Variants in DLG5 observed in about 807,000 individuals in gnomAD.
DLG5 encodes the protein discs large MAGUK scaffold protein 5, also known as disks large homolog 5.
Under a neutral mutation model 189.8 loss-of-function variants are expected in DLG5, and 48 were observed. The observed-to-expected ratio is 0.25, with a 90% CI of 0.20 to 0.32. DLG5 has a LOEUF of 0.32. Ranked by LOEUF, DLG5 falls within the 10% of genes least tolerant of loss-of-function variation. DLG5 has a pLI of 1.00. For synonymous variants in DLG5, 1,016 were observed against 1,054.1 expected, an observed-to-expected ratio of 0.96 and a Z score of 0.70; for missense variants, 2,160 against 2,544.7, an observed-to-expected ratio of 0.85 and a Z score of 3.25.
At chr10:77,798,193 A>G (rs991442041) in intron 27 of DLG5, among the ~76,000 whole-genome samples, 1 of 152,198 alleles carries the variant, frequency 6.6e-6, no homozygotes, top group African/African-American at 2.4e-5. Context: ...TCTCAATAAA[A>G]ATAAATAAAA....
In DLG5 at chr10:77,794,965, TGGG is replaced by T; in HGVS notation, c.5437-10_5437-8del. ...CCAGGAGGCAGTGTCGGTTCTGGGG[TGGG>T]GGGTGCAGAGTGAGCCCTGGCGGGC... On this transcript the variant is annotated splice_region_variant and splice_polypyrimidine_tract_variant and intron_variant, in intron 29 of 31. Transcript: ENST00000372391. 1 of 1,612,330 alleles carries T rather than the reference TGGG, an allele frequency of 6.2e-7. No individual in the cohort carries two copies. Among genetic ancestry groups the T allele is most frequent in the Non-Finnish European group, 8.5e-7 (1 of 1,179,252 alleles).
intron 7 of DLG5, among the ~76,000 whole-genome samples, chr10:77,839,468 T>G (rs1443609303): frequency 6.6e-6 from 1 of 151,856 alleles, no homozygotes; most frequent in African/African-American, 2.4e-5. Flanking sequence ...GCCACTTCAC[T>G]CCAGCCTGGG....
chr10:77,925,439 G>A (rs1028728940), intron 1 of DLG5, among the ~76,000 whole-genome samples: 3 of 152,078 alleles, frequency 2.0e-5, no homozygotes, highest in Non-Finnish European at 2.9e-5. Context: ...AGAAACTCCC[G>A]CCAGTATCCG....
intron 12 of DLG5, 118 bp from the exon 13 acceptor site, chr10:77,829,103 G>T: frequency 8.6e-7 from 1 of 1,161,652 alleles, no homozygotes; most frequent in Non-Finnish European, 1.2e-6. Flanking sequence ...GCTGCGCCCT[G>T]TCTACGCCTG....
At chr10:77,934,371 C>CAAA in the DLG5 span, among the ~76,000 whole-genome samples, 199 of 96,206 alleles carry the variant, frequency 2.1e-3, no homozygotes, top group South Asian at 5.2e-3. Flanking sequence ...AACTCCATCT[C>CAAA]AAAAAAAAAA....
chr10:77,868,807 G>A (rs1285051781), intron 2 of DLG5: 1 of 383,550 alleles, frequency 2.6e-6, no homozygotes, highest in East Asian at 6.8e-5. Flanking sequence ...GAGTCTCCTG[G>A]GCAGTGGTCA....
At chr10:77,873,705 G>A (rs1027968221) in intron 1 of DLG5, among the ~76,000 whole-genome samples, 4 of 152,032 alleles carry the variant, frequency 2.6e-5, no homozygotes, top group African/African-American at 7.3e-5. Context: ...CTTCCTCTTC[G>A]TGAAGCTCAC....
At chr10:77,910,255 T>C (rs1378378845) in intron 1 of DLG5, among the ~76,000 whole-genome samples, 2 of 152,148 alleles carry the variant, frequency 1.3e-5, no homozygotes, top group Non-Finnish European at 2.9e-5. Context: ...GTAGTCATTA[T>C]CAAAAAACTG....
chr10:77,833,272 C>A (rs889338133), intron 9 of DLG5, among the ~76,000 whole-genome samples: 1 of 152,122 alleles, frequency 6.6e-6, no homozygotes, highest in Non-Finnish European at 1.5e-5. Context: ...TGTCTGACAC[C>A]CCAAATGGTC....
chr10:77,874,200 CT>C (rs1845013492), intron 1 of DLG5, among the ~76,000 whole-genome samples: 1 of 152,258 alleles, frequency 6.6e-6, no homozygotes, highest in Admixed American at 6.5e-5. Context: ...GAAGAAGGCC[CT>C]TCTCTCTGAG....
chr10:77,835,534 T>A (rs982447371), intron 8 of DLG5, among the ~76,000 whole-genome samples: 4 of 151,986 alleles, frequency 2.6e-5, no homozygotes, highest in Non-Finnish European at 5.9e-5. Flanking sequence ...TAGGGCTGAG[T>A]GAGATGGGAG....
In DLG5 at chr10:77,806,873, C is replaced by T. The variant is rs769629590; in HGVS notation, c.4852G>A (p.Asp1618Asn). Reference protein sequence around the residue: ...VEQELSFKKDDILYVDDTLPQ... With the variant: ...VEQELSFKKDNILYVDDTLPQ... The stretch of plus-strand genomic sequence containing the variant: ...AAGGTGTCATCCACGTAGAGGATGT[C>T]GTCCTTCTTAAAGCTCAACTCTTGC... The change falls in exon 26 of 32, where the codon GAC (aspartate) becomes AAC (asparagine). Residue 1618 changes from aspartate to asparagine, a missense_variant. Around this residue, in one of 5 missense-constraint regions of DLG5, gnomAD observed 574 missense variants for 644.2 expected, o/e 0.89. Transcript: ENST00000372391. 5 of 1,613,998 alleles carry T rather than the reference C, an allele frequency of 3.1e-6. No individual in the cohort carries two copies. The African/African-American group carries it at 4.0e-5, about 13-fold the overall frequency.
At chr10:77,878,504 C>A (rs1163206529) in intron 1 of DLG5, among the ~76,000 whole-genome samples, 1 of 152,134 alleles carries the variant, frequency 6.6e-6, no homozygotes, top group Non-Finnish European at 1.5e-5. Context: ...ATGGAAGGGA[C>A]CTGGAGGACA....
intron 5 of DLG5, among the ~76,000 whole-genome samples, chr10:77,843,908 AG>A (rs1843555132): frequency 6.6e-6 from 1 of 152,156 alleles, no homozygotes; most frequent in Non-Finnish European, 1.5e-5. Flanking sequence ...AGATTCACTC[AG>A]TCACAACTAT....
chr10:77,875,989 G>A (rs917487895), intron 1 of DLG5, among the ~76,000 whole-genome samples: 15 of 152,054 alleles, frequency 9.9e-5, no homozygotes, highest in Admixed American at 2.0e-4. Flanking sequence ...GCCCTGGAAT[G>A]GAGCAACCAC....
At chr10:77,846,082 TA>T (rs2154576446) in intron 5 of DLG5, among the ~76,000 whole-genome samples, 1 of 151,888 alleles carries the variant, frequency 6.6e-6, no homozygotes, top group Non-Finnish European at 1.5e-5. Context: ...TTGTCTCTAC[TA>T]AACATACAAA....
intron 29 of DLG5, among the ~76,000 whole-genome samples, chr10:77,795,807 G>A (rs898103805): frequency 4.6e-5 from 7 of 152,124 alleles, no homozygotes; most frequent in Non-Finnish European, 7.4e-5. Flanking sequence ...GAGACCCCCC[G>A]CACCTGCCAG....
At chr10:77,841,672 C>T (rs75479020) in intron 7 of DLG5, among the ~76,000 whole-genome samples, 5,348 of 152,288 alleles carry the variant, frequency 0.035, 269 homozygotes, top group African/African-American at 0.11. Flanking sequence ...GTCTCCCTCC[C>T]GCCTTGTCCC....
intron 1 of DLG5, among the ~76,000 whole-genome samples, chr10:77,899,165 T>C (rs952185129): frequency 6.6e-6 from 1 of 152,224 alleles, no homozygotes; most frequent in Non-Finnish European, 1.5e-5. Flanking sequence ...AGGATGGCAC[T>C]GACTCTGCTG....
Sources: allele counts gnomAD v4.1 joint callset (sites outside exome capture counted in the v4.1 genomes callset), GRCh38; gene constraint gnomAD v4.1.1; regional missense constraint gnomAD v4.1.1; transcripts MANE v1.5; gene names NCBI Gene and HGNC (gene_info 2026-07-23, HGNC 2026-07-21).